DLC1: variants seen among roughly 807,000 people sequenced by gnomAD.
DLC1 encodes DLC1 Rho GTPase activating protein.
Under a neutral mutation model 140.3 loss-of-function variants are expected in DLC1, and 54 were observed. The ratio of observed to expected loss-of-function variants is 0.38; its 90% CI spans 0.31 to 0.48. The LOEUF (loss-of-function observed/expected upper bound fraction) is 0.48. Ranked by LOEUF, DLC1 falls within the 20% of genes least tolerant of loss-of-function variation. The probability of loss-of-function intolerance (pLI) is 0.96; values close to 1 mark genes in which losing one functional copy is unlikely to be tolerated. For missense variants in DLC1, 2,536 were observed against 1,907.0 expected (o/e 1.33, Z -6.14); for synonymous variants, 986 against 728.1 (o/e 1.35, Z -5.70).
intron 1 of DLC1, among the ~76,000 whole-genome samples, chr8:13,577,720 C>G (rs980105922): frequency 1.3e-5 from 2 of 151,998 alleles, no homozygotes; most frequent in African/African-American, 4.8e-5. Context: ...CTTTTGTTTC[C>G]TCCTTGGTAT....
intron 1 of DLC1, among the ~76,000 whole-genome samples, chr8:13,576,238 G>T (rs888214600): frequency 1.3e-5 from 2 of 152,134 alleles, no homozygotes; most frequent in Non-Finnish European, 2.9e-5. Context: ...AAATCCCAAG[G>T]GATTCCCAGG....
chr8:13,117,937 A>G (rs1370391370), intron 5 of DLC1, among the ~76,000 whole-genome samples: 1 of 151,300 alleles, frequency 6.6e-6, no homozygotes, highest in African/African-American at 2.4e-5. Context: ...TTTACAAAGT[A>G]TTTATTTAAG....
At chr8:13,582,261 C>G (rs977426015) in intron 1 of DLC1, among the ~76,000 whole-genome samples, 3 of 152,160 alleles carry the variant, frequency 2.0e-5, no homozygotes, top group Non-Finnish European at 4.4e-5. Flanking sequence ...TTTGCATACA[C>G]TCTCTTCAAG....
intron 1 of DLC1, among the ~76,000 whole-genome samples, chr8:13,560,279 TA>T (rs1004129358): frequency 1.3e-4 from 20 of 151,546 alleles, no homozygotes; most frequent in South Asian, 6.3e-4. Context: ...TGAAAAGAAC[TA>T]AAAAAAAACT....
At chr8:13,425,531 A>G (rs62492200) in intron 2 of DLC1, among the ~76,000 whole-genome samples, 45,054 of 152,036 alleles carry the variant, frequency 0.3, 6,939 homozygotes, top group Middle Eastern at 0.39. Context: ...ATTTAAAGAA[A>G]TCCCTGGGAG....
At chr8:13,554,431 G>A (rs1803971860) in intron 1 of DLC1, among the ~76,000 whole-genome samples, 4 of 152,080 alleles carry the variant, frequency 2.6e-5, no homozygotes, top group Admixed American at 6.6e-5. Flanking sequence ...TCAGACTTAT[G>A]TACTGAAATA....
At chr8:13,459,351 C>A (rs1251418367) in intron 2 of DLC1, among the ~76,000 whole-genome samples, 2 of 152,062 alleles carry the variant, frequency 1.3e-5, no homozygotes, top group East Asian at 1.9e-4. Context: ...AGAAGGTGGT[C>A]TTTTCAAAAA....
At chr8:13,586,603 A>ACG (rs1333364291) in intron 1 of DLC1, among the ~76,000 whole-genome samples, 2 of 151,388 alleles carry the variant, frequency 1.3e-5, no homozygotes, top group African/African-American at 4.8e-5. Context: ...ACACACACAC[A>ACG]CACACACACA....
chr8:13,234,140 T>A (rs768035378), intron 5 of DLC1, among the ~76,000 whole-genome samples: 43 of 152,172 alleles, frequency 2.8e-4, no homozygotes, highest in Non-Finnish European at 5.4e-4. Flanking sequence ...TAGTAACAAC[T>A]AAAAGCTGGG....
At chr8:13,128,676 C>G (rs879756848) in intron 5 of DLC1, among the ~76,000 whole-genome samples, 1 of 151,878 alleles carries the variant, frequency 6.6e-6, no homozygotes, top group East Asian at 1.9e-4. Flanking sequence ...ACTAAAAATA[C>G]CAAAAAATTA....
At chr8:13,370,529 C>G (rs983443663) in intron 4 of DLC1, among the ~76,000 whole-genome samples, 4 of 152,096 alleles carry the variant, frequency 2.6e-5, no homozygotes, top group Admixed American at 6.5e-5. Flanking sequence ...AAACTGCTTC[C>G]CAGGCATTAT....
intron 4 of DLC1, among the ~76,000 whole-genome samples, chr8:13,388,551 A>T (rs1836620982): frequency 6.6e-6 from 1 of 151,994 alleles, no homozygotes; most frequent in African/African-American, 2.4e-5. Context: ...ATAATTACTA[A>T]TTTGGTTCCC....
intron 2 of DLC1, among the ~76,000 whole-genome samples, chr8:13,477,457 A>G (rs1269479223): frequency 1.3e-5 from 2 of 152,202 alleles, no homozygotes; most frequent in Non-Finnish European, 2.9e-5. Flanking sequence ...TATAGTAGTG[A>G]GAGTAGGGCT....
intron 4 of DLC1, among the ~76,000 whole-genome samples, chr8:13,393,067 C>T (rs937313804): frequency 6.6e-6 from 1 of 152,044 alleles, no homozygotes; most frequent in African/African-American, 2.4e-5. Flanking sequence ...TAATTATTAT[C>T]TGTCTATCCA....
chr8:13,423,323 A>G (rs117873395), intron 2 of DLC1, among the ~76,000 whole-genome samples: 1,539 of 152,288 alleles, frequency 0.01, 17 homozygotes, highest in Non-Finnish European at 0.016. Context: ...ACTACCTCAC[A>G]GGGCCATCTT....
chr8:13,520,389 C>T (rs62495267), intron 1 of DLC1, among the ~76,000 whole-genome samples: 46,703 of 151,932 alleles, frequency 0.31, 8,970 homozygotes, highest in Non-Finnish European at 0.42. Flanking sequence ...AACCAAATAC[C>T]GCATGTTCTC....
chr8:13,164,812 G>A (rs1333059155), intron 5 of DLC1, among the ~76,000 whole-genome samples: 1 of 152,166 alleles, frequency 6.6e-6, no homozygotes, highest in African/African-American at 2.4e-5. Context: ...TTGTTTGTCA[G>A]CTCTGGCAAT....
At chr8:13,371,476 C>T (rs77712223) in intron 4 of DLC1, among the ~76,000 whole-genome samples, 3,917 of 152,256 alleles carry the variant, frequency 0.026, 74 homozygotes, top group South Asian at 0.086. Flanking sequence ...AGCCTCTGCT[C>T]CTCAGCTCTG....
At chr8:13,312,810 A>G (rs535978596) in intron 4 of DLC1, among the ~76,000 whole-genome samples, 6 of 152,110 alleles carry the variant, frequency 3.9e-5, no homozygotes, top group Non-Finnish European at 8.8e-5. Flanking sequence ...ACTATTCATA[A>G]CAGTTTTTGT....
Sources: allele counts gnomAD v4.1 joint callset (sites outside exome capture counted in the v4.1 genomes callset), GRCh38; gene constraint gnomAD v4.1.1; transcripts MANE v1.5; gene names NCBI Gene and HGNC (gene_info 2026-07-23, HGNC 2026-07-21).